Variants in CCDC149 observed in about 807,000 individuals in gnomAD.
CCDC149 encodes coiled-coil domain containing 149, also known as coiled-coil domain-containing protein 149.
CCDC149 carries 45 observed loss-of-function variants against 59.9 expected under a neutral mutation model. That is an observed-to-expected ratio of 0.75 (90% CI 0.59 to 0.96). The LOEUF is 0.96. Ranked by LOEUF, CCDC149 falls within the 40% of genes least tolerant of loss-of-function variation. The pLI, the probability that CCDC149 is intolerant of heterozygous loss-of-function variation, is 0.00. For missense variants in CCDC149, 584 were observed against 664.7 expected, an observed-to-expected ratio of 0.88 and a Z score of 1.33; for synonymous variants, 245 against 260.6, an observed-to-expected ratio of 0.94 and a Z score of 0.58.
At chr4:24,877,306 T>G (rs1185514173) in intron 1 of CCDC149, among the ~76,000 whole-genome samples, 2 of 152,020 alleles carry the variant, frequency 1.3e-5, no homozygotes, top group African/African-American at 4.8e-5. Flanking sequence ...TCACCTTAGC[T>G]TCCCAAGTAG....
intron 3 of CCDC149, among the ~76,000 whole-genome samples, chr4:24,860,543 T>A (rs1163589863): frequency 6.6e-6 from 1 of 152,062 alleles, no homozygotes; most frequent in Admixed American, 6.5e-5. Context: ...GGCAAATACA[T>A]CATGACCAGG....
chr4:24,867,066 A>G (rs896149425), intron 3 of CCDC149, among the ~76,000 whole-genome samples: 2 of 152,198 alleles, frequency 1.3e-5, no homozygotes, highest in African/African-American at 4.8e-5. Context: ...TACAGCACCG[A>G]ACTACAAGCT....
intron 1 of CCDC149, among the ~76,000 whole-genome samples, chr4:24,932,719 A>G (rs1049295201): frequency 6.6e-6 from 1 of 152,176 alleles, no homozygotes; most frequent in African/African-American, 2.4e-5. Context: ...ATTGCAACCC[A>G]GCACTGGCTT....
chr4:24,903,583 C>T (rs1199304427), intron 1 of CCDC149, among the ~76,000 whole-genome samples: 1 of 152,144 alleles, frequency 6.6e-6, no homozygotes, highest in Non-Finnish European at 1.5e-5. Flanking sequence ...ACTGAGTTTA[C>T]TGAGGTATAA....
In CCDC149 at chr4:24,806,580, T is replaced by G. The variant is rs1307770236; in HGVS notation, c.*1809A>C. On this transcript the variant is annotated 3_prime_UTR_variant, in exon 13 of 13. Transcript: ENST00000635206. ...ATCCTATGCAGTAGTGCTGGACATT[T>G]GCAGGCAGTTAAGGCCCAGTACAGC... The G allele has an allele frequency of 6.6e-6, 1 of 152,274 alleles. No homozygotes were observed. Among genetic ancestry groups the G allele is most frequent in the African/African-American group, 2.4e-5 (1 of 41,446 alleles). The allele number at this position is 152,274 out of a possible 1,614,324, so 9.4% of individuals were successfully genotyped here. A position where few individuals can be genotyped will look rare whatever the true frequency, so the allele number is the denominator to read the frequency against.
chr4:24,847,350 A>G (rs1241914492), intron 4 of CCDC149, among the ~76,000 whole-genome samples: 2 of 152,204 alleles, frequency 1.3e-5, no homozygotes, highest in South Asian at 2.1e-4. Context: ...ACGATATTGC[A>G]TGCAAGTCCA....
In CCDC149 at chr4:24,808,782, G is replaced by C. The variant is rs576460475; in HGVS notation, c.1230C>G (p.Ala410=). 7.1e-6 allele frequency: 11 copies of C among 1,550,858 alleles called. No individual in the cohort carries two copies. The South Asian group carries it at 9.5e-5, about 13-fold the overall frequency. The change falls in exon 13 of 13, where the codon GCC becomes GCG. Residue 410 remains alanine (A), a synonymous_variant. Coordinates refer to ENST00000635206, the MANE Select transcript of CCDC149 (RefSeq NM_001330643.2). ...CAGGCGCTGTCAACGCCTCAGCAGC[G>C]GCACAACTTTCATCTTCTTCTTGCT...
At chr4:24,836,049 G>A (rs1056503045) in intron 7 of CCDC149, among the ~76,000 whole-genome samples, 3 of 152,134 alleles carry the variant, frequency 2.0e-5, no homozygotes, top group Non-Finnish European at 2.9e-5. Flanking sequence ...TTTTCTTATG[G>A]GTGATTACGA....
intron 1 of CCDC149, among the ~76,000 whole-genome samples, chr4:24,963,619 T>G (rs1451960331): frequency 6.6e-6 from 1 of 152,126 alleles, no homozygotes; most frequent in Non-Finnish European, 1.5e-5. Context: ...AACAAGGTGG[T>G]ACAAGTCAAT....
At chr4:24,855,977 C>T (rs1258258377) in intron 3 of CCDC149, among the ~76,000 whole-genome samples, 1 of 152,234 alleles carries the variant, frequency 6.6e-6, no homozygotes, top group African/African-American at 2.4e-5. Context: ...GGTCTCCCAT[C>T]TGTAAGACAG....
intron 12 of CCDC149, among the ~76,000 whole-genome samples, chr4:24,812,745 G>A (rs540828341): frequency 6.6e-6 from 1 of 152,328 alleles, no homozygotes; most frequent in African/African-American, 2.4e-5. Flanking sequence ...AATCATGGTA[G>A]AAGACGAAAG....
chr4:24,914,978 C>A (rs1049566098), upstream of CCDC149, among the ~76,000 whole-genome samples: 1 of 152,220 alleles, frequency 6.6e-6, no homozygotes, highest in African/African-American at 2.4e-5. Flanking sequence ...AGTTCAATAA[C>A]ATTGCACACC....
At chr4:24,971,468 C>A (rs12502083) in intron 1 of CCDC149, among the ~76,000 whole-genome samples, 2,301 of 152,364 alleles carry the variant, frequency 0.015, 33 homozygotes, top group Middle Eastern at 0.037. Context: ...CATTATGCAA[C>A]CTTGCCACAT....
intron 1 of CCDC149, among the ~76,000 whole-genome samples, chr4:24,977,600 A>G (rs922582082): frequency 6.6e-6 from 1 of 152,066 alleles, no homozygotes; most frequent in Admixed American, 6.5e-5. Flanking sequence ...CGTGGACCCA[A>G]ATGAAATACC....
At chr4:24,971,170 C>A (rs559686332) in intron 1 of CCDC149, among the ~76,000 whole-genome samples, 1 of 152,172 alleles carries the variant, frequency 6.6e-6, no homozygotes, top group Non-Finnish European at 1.5e-5. Flanking sequence ...TACTGACGAC[C>A]CCCTACAGAG....
downstream of CCDC149, among the ~76,000 whole-genome samples, chr4:24,804,995 G>T (rs1714081358): frequency 6.6e-6 from 1 of 152,194 alleles, no homozygotes; most frequent in Admixed American, 6.5e-5. Flanking sequence ...ACGGGGAGGG[G>T]AGAAGAAGGT....
chr4:24,959,425 G>A (rs28624141), intron 1 of CCDC149, among the ~76,000 whole-genome samples: 83,309 of 151,760 alleles, frequency 0.55, 24,332 homozygotes, highest in Non-Finnish European at 0.66. Flanking sequence ...GTTACTTGGC[G>A]TGTTTGGTAA....
At chr4:24,901,148 G>A (rs1577467654) in intron 1 of CCDC149, among the ~76,000 whole-genome samples, 1 of 152,320 alleles carries the variant, frequency 6.6e-6, no homozygotes, top group East Asian at 1.9e-4. Context: ...AATAGCTTCA[G>A]ATAATGAAGA....
chr4:24,864,923 A>C (rs1406797612), intron 3 of CCDC149, among the ~76,000 whole-genome samples: 2 of 152,200 alleles, frequency 1.3e-5, no homozygotes, highest in African/African-American at 4.8e-5. Flanking sequence ...TGACTGGGGA[A>C]CTTGAGTATG....
Sources: allele counts gnomAD v4.1 joint callset (sites outside exome capture counted in the v4.1 genomes callset), GRCh38; gene constraint gnomAD v4.1.1; transcripts MANE v1.5; gene names NCBI Gene and HGNC (gene_info 2026-07-23, HGNC 2026-07-21).